Variants in DOCK9 observed in about 807,000 individuals in gnomAD.
DOCK9 encodes dedicator of cytokinesis 9, also known as dedicator of cytokinesis protein 9.
In DOCK9, 89 loss-of-function variants were observed where a neutral mutation model predicts 263.3. The ratio of observed to expected loss-of-function variants is 0.34; its 90% CI spans 0.28 to 0.40. DOCK9 has a LOEUF of 0.40. DOCK9 is among the 10% of genes least tolerant of loss of function. DOCK9 has a pLI of 1.00. For missense variants in DOCK9, 2,140 were observed against 2,603.4 expected, an observed-to-expected ratio of 0.82 and a Z score of 3.87; for synonymous variants, 976 against 973.1, an observed-to-expected ratio of 1.00 and a Z score of -0.06.
intron 1 of DOCK9, among the ~76,000 whole-genome samples, chr13:99,067,434 T>C (rs931954750): frequency 6.6e-6 from 1 of 152,206 alleles, no homozygotes; most frequent in East Asian, 1.9e-4. Flanking sequence ...CAGGGAAAGA[T>C]GCCCTGGCCT....
At chr13:98,906,574 A>C (rs192062465) in intron 9 of DOCK9, among the ~76,000 whole-genome samples, 1 of 152,328 alleles carries the variant, frequency 6.6e-6, no homozygotes, top group African/African-American at 2.4e-5. Flanking sequence ...CAAAGACATG[A>C]GTCACATCTC....
intron 22 of DOCK9, among the ~76,000 whole-genome samples, chr13:98,883,455 C>T (rs1368565423): frequency 1.3e-5 from 2 of 152,164 alleles, no homozygotes; most frequent in Non-Finnish European, 2.9e-5. Flanking sequence ...CCATGTTGGC[C>T]AGGCTGGTCT....
chr13:98,846,475 A>G lies in DOCK9; in HGVS notation c.4062-415T>C, dbSNP rs1380316621. 2.3e-6 allele frequency: 3 copies of G among 1,317,274 alleles called. No homozygotes were observed. The African/African-American group carries it at 4.5e-5, about 20-fold the overall frequency. 81.6% of individuals were successfully genotyped at this position (1,317,274 alleles called of 1,614,324 possible). A position where few individuals can be genotyped will look rare whatever the true frequency, so the allele number is the denominator to read the frequency against. ...GCATTGGAAGACACAGAGAACAAAC[A>G]TGCAAAGGAAGGGATTATATGAGTT... On this transcript the variant is annotated intron_variant, in intron 37 of 52. Transcript: ENST00000682017.
intron 45 of DOCK9, among the ~76,000 whole-genome samples, chr13:98,813,680 C>A (rs1327306000): frequency 6.6e-6 from 1 of 152,052 alleles, no homozygotes; most frequent in Non-Finnish European, 1.5e-5. Context: ...ACTCTTGTTG[C>A]CCAGGCTGGA....
chr13:99,053,387 A>C (rs997341162), intron 1 of DOCK9, among the ~76,000 whole-genome samples: 1 of 152,244 alleles, frequency 6.6e-6, no homozygotes, highest in Non-Finnish European at 1.5e-5. Context: ...GGAAAAAACC[A>C]GCAACCTTAA....
chr13:98,909,206 G>T (rs1309465867), intron 9 of DOCK9, among the ~76,000 whole-genome samples: 6 of 152,190 alleles, frequency 3.9e-5, no homozygotes, highest in African/African-American at 7.2e-5. Flanking sequence ...ACAAGGAAAA[G>T]AATGATTCAT....
intron 45 of DOCK9, chr13:98,820,760 C>G (rs2092223828): frequency 2.7e-6 from 1 of 364,286 alleles, no homozygotes; most frequent in African/African-American, 2.2e-5. Flanking sequence ...TAGACACTCT[C>G]AAGTCTGGGT....
intron 1 of DOCK9, among the ~76,000 whole-genome samples, chr13:99,048,201 T>C (rs1352727335): frequency 6.6e-6 from 1 of 152,216 alleles, no homozygotes; most frequent in Non-Finnish European, 1.5e-5. Flanking sequence ...CTGTTTTGTT[T>C]TGTTTTGTTT....
chr13:98,987,013 T>C (rs527844165), intron 1 of DOCK9, among the ~76,000 whole-genome samples: 74 of 152,258 alleles, frequency 4.9e-4, no homozygotes, highest in African/African-American at 1.7e-3. Flanking sequence ...CTTAGACTGT[T>C]CAGCAGCTTT....
intron 27 of DOCK9, among the ~76,000 whole-genome samples, chr13:98,873,185 G>A (rs1164724903): frequency 1.3e-5 from 2 of 152,132 alleles, no homozygotes; most frequent in Non-Finnish European, 2.9e-5. Flanking sequence ...TTCCCTTGTA[G>A]TCATTGCCCC....
At position 98,901,828 on chromosome 13, in the gene DOCK9, T is replaced by C; in HGVS notation, c.1453A>G (p.Ser485Gly). The C allele has an allele frequency of 6.2e-7, 1 of 1,612,774 alleles. No individual in the cohort carries two copies. Among genetic ancestry groups the C allele is most frequent in the South Asian group, 1.1e-5 (1 of 90,694 alleles). Residue 485 changes from serine to glycine, a missense_variant, in exon 13 of 53, where the codon AGC (serine) becomes GGC (glycine). Physicochemically the swap from Ser to Gly is moderately conservative, Grantham distance 56. Coordinates refer to ENST00000682017, the MANE Select transcript of DOCK9 (RefSeq NM_001366683.2). Reference sequence around the variant, plus strand: ...TATGGCTCAGCGCAATGTGTGATGCTCCCCTGAAGGACTTTTTCAATTCTG... The same window carrying C: ...TATGGCTCAGCGCAATGTGTGATGCCCCCCTGAAGGACTTTTTCAATTCTG... Reference protein sequence around the residue: ...VARIEKVLQGSITHCAEPYMK... With the variant: ...VARIEKVLQGGITHCAEPYMK...
At chr13:98,932,860 C>G (rs542266233) in intron 2 of DOCK9, among the ~76,000 whole-genome samples, 1 of 152,284 alleles carries the variant, frequency 6.6e-6, no homozygotes, top group East Asian at 1.9e-4. Context: ...CCTCCTAGGT[C>G]CTGACTTCTT....
At position 98,829,812 on chromosome 13, in the gene DOCK9, TG is replaced by T; in HGVS notation, c.4636-57del. ...TTTACCTTCAAATGACTGCCCAGGC[TG>T]GGCTTCTGCGTTCAGTTAGGATGTG... On this transcript the variant is annotated intron_variant, in intron 41 of 52. Transcript: ENST00000682017. The surrounding 1 kb of genome is among the most constrained non-coding windows in gnomAD (Gnocchi z 4.1). 6.8e-7 allele frequency: 1 copy of T among 1,480,018 alleles called. No individual in the cohort carries two copies. Among genetic ancestry groups the T allele is most frequent in the South Asian group, 1.2e-5 (1 of 82,624 alleles). 91.7% of individuals were successfully genotyped at this position (1,480,018 alleles called of 1,614,324 possible).
intron 25 of DOCK9, among the ~76,000 whole-genome samples, chr13:98,881,223 T>C (rs1292959089): frequency 6.7e-6 from 1 of 149,314 alleles, no homozygotes; most frequent in Admixed American, 6.7e-5. Context: ...AAAGTTTAGA[T>C]GGAAAGAAAA....
chr13:98,840,836 T>C (rs1209802123), intron 38 of DOCK9, among the ~76,000 whole-genome samples: 2 of 152,204 alleles, frequency 1.3e-5, no homozygotes, highest in African/African-American at 2.4e-5. Context: ...TTTTCCCCTC[T>C]AGCCCATAAC....
chr13:99,024,396 T>C (rs12868936), intron 1 of DOCK9, among the ~76,000 whole-genome samples: 75,219 of 152,022 alleles, frequency 0.49, 18,882 homozygotes, highest in East Asian at 0.65. Flanking sequence ...CCCAAAAAGA[T>C]CACTTAATGG....
rs1462929956 is a variant in DOCK9 at position 98,887,475 on chromosome 13, G to A, written c.2043+683C>T. ...ACTAAAAATACAAAAAATTAGCGGG[G>A]TGTGGTGGCAGGCTCCTGTAGTCCC... On this transcript the variant is annotated intron_variant, in intron 18 of 52. Coordinates refer to ENST00000682017, the MANE Select transcript of DOCK9 (RefSeq NM_001366683.2). 2.0e-5 allele frequency among the ~76,000 whole-genome samples: 3 copies of A among 151,264 alleles called. No homozygotes were observed. The East Asian group carries it at 5.8e-4, about 29-fold the overall frequency.
intron 1 of DOCK9, among the ~76,000 whole-genome samples, chr13:98,989,910 A>G (rs1879421961): frequency 6.6e-6 from 1 of 152,214 alleles, no homozygotes; most frequent in South Asian, 2.1e-4. Context: ...ATTTCAAACC[A>G]ATAAGAAAGG....
At chr13:98,981,179 C>T (rs1241663630), upstream of DOCK9, among the ~76,000 whole-genome samples, 2 of 151,836 alleles carry the variant, frequency 1.3e-5, no homozygotes, top group Non-Finnish European at 2.9e-5. Flanking sequence ...ATCTCAGCCT[C>T]CCAAGTAGCT....
Sources: allele counts gnomAD v4.1 joint callset (sites outside exome capture counted in the v4.1 genomes callset), GRCh38; gene constraint gnomAD v4.1.1; non-coding constraint Gnocchi (gnomAD v3.1); transcripts MANE v1.5; gene names NCBI Gene and HGNC (gene_info 2026-07-23, HGNC 2026-07-21).